The following DMD variants were observed in gnomAD, a reference collection of about 807,000 sequenced individuals.
The protein encoded by DMD is mutant dystrophin.
A neutral mutation model predicts 330.1 loss-of-function variants in DMD; 63 were observed. The ratio of observed to expected loss-of-function variants is 0.19; its 90% CI spans 0.16 to 0.24. DMD has a LOEUF of 0.24. Among genes scored for constraint, DMD ranks in the 10% least tolerant of loss-of-function variants. The pLI is 1.00. For missense variants in DMD, 3,344 were observed against 2,684.1 expected, an observed-to-expected ratio of 1.25 and a Z score of -5.43; for synonymous variants, 1,223 against 959.8, an observed-to-expected ratio of 1.27 and a Z score of -5.07.
At chrX:32,717,332 C>G (rs188647749) in intron 7 of DMD, among the ~76,000 whole-genome samples, 1 of 111,293 alleles carries the variant, frequency 9.0e-6, no homozygotes, top group Non-Finnish European at 1.9e-5. Flanking sequence ...CCCAGACACT[C>G]CAGCTCCAGC....
intron 2 of DMD, among the ~76,000 whole-genome samples, chrX:32,863,282 C>T (rs186182108): frequency 9.2e-6 from 1 of 109,188 alleles, no homozygotes; most frequent in African/African-American, 3.4e-5. Flanking sequence ...TTTGGGAGGC[C>T]GAGAAGGGCA....
At chrX:32,858,318 C>A (rs151193422) in intron 2 of DMD, among the ~76,000 whole-genome samples, 1 of 111,858 alleles carries the variant, frequency 8.9e-6, no homozygotes, top group Non-Finnish European at 1.9e-5. Flanking sequence ...CTTGTTTCAA[C>A]GTAAAACTAT....
intron 7 of DMD, among the ~76,000 whole-genome samples, chrX:32,704,327 A>AG (rs2064407729): frequency 1.8e-5 from 2 of 108,452 alleles, no homozygotes; most frequent in Admixed American, 1.9e-4. Flanking sequence ...CCTCACCCCA[A>AG]GAAAGTCAAT....
rs1557061629 is a variant in DMD, at chrX:32,827,065, C to CA, written c.265-3679_265-3678insT. ...TTGGAACACACATCGCACCCCCCCCCCACACACACACACACACAGCAGCAG... is the reference window on the plus strand; with the variant it reads ...TTGGAACACACATCGCACCCCCCCCCACACACACACACACACACAGCAGCAG... On this transcript the variant is annotated intron_variant, in intron 4 of 78. Transcript: ENST00000357033. Among the ~76,000 whole-genome samples, 270 of 68,967 alleles carry CA rather than the reference C, an allele frequency of 3.9e-3. 10 individuals are homozygous for CA. The East Asian group carries it at 0.045, about 11-fold the overall frequency. The allele number at this position is 68,967 out of a possible 115,157, so 59.9% of individuals were successfully genotyped here. A position where few individuals can be genotyped will look rare whatever the true frequency, so the allele number is the denominator to read the frequency against.
chrX:32,661,955 A>T (rs1247252746), intron 9 of DMD, among the ~76,000 whole-genome samples: 1 of 111,679 alleles, frequency 9.0e-6, no homozygotes, highest in East Asian at 2.8e-4. Context: ...AAAACTTAAA[A>T]CACACCCATT....
chrX:32,899,166 G>C (rs2149289597), intron 2 of DMD, among the ~76,000 whole-genome samples: 2 of 111,975 alleles, frequency 1.8e-5, no homozygotes, highest in African/African-American at 6.5e-5. Context: ...TTTTAGACTG[G>C]GCACAGGCGT....
chrX:33,008,702 C>T (rs2093448207), intron 2 of DMD, among the ~76,000 whole-genome samples: 1 of 98,111 alleles, frequency 1.0e-5, no homozygotes, highest in Non-Finnish European at 2.1e-5. Flanking sequence ...ACCTATCTGC[C>T]CTGAAACACA....
In DMD at chrX:33,314,559, G is replaced by GTT. The variant is rs764129742; in HGVS notation, c.7+24698_7+24699dup. 5.8e-3 allele frequency among the ~76,000 whole-genome samples: 334 copies of GTT among 57,447 alleles called. 27 individuals carry two copies. The highest frequency in any genetic ancestry group is 0.014 in the African/African-American group (204 of 14,904). The allele number at this position is 57,447 out of a possible 115,157, so 49.9% of individuals were successfully genotyped here. On this transcript the variant is annotated intron_variant, in intron 1 of 17. Coordinates refer to the DMD transcript ENST00000288447. ...ATGCGTGATCCACTGTGCCCAGCCT[G>GTT]TTTTTTTTTTGTTTTTTTTTTTTTT...
intron 53 of DMD, among the ~76,000 whole-genome samples, chrX:31,674,634 C>G (rs997426644): frequency 1.7e-4 from 19 of 111,189 alleles, no homozygotes; most frequent in Non-Finnish European, 2.6e-4. Context: ...ATCACAAAGC[C>G]GACAAAAAGG....
intron 7 of DMD, among the ~76,000 whole-genome samples, chrX:32,776,855 T>A (rs1027045818): frequency 8.9e-6 from 1 of 111,920 alleles, no homozygotes; most frequent in African/African-American, 3.3e-5. Context: ...AAATGCTTAA[T>A]TAATTAAACA....
At chrX:32,541,267 T>G (rs2048454545) in intron 17 of DMD, among the ~76,000 whole-genome samples, 1 of 110,688 alleles carries the variant, frequency 9.0e-6, no homozygotes, top group African/African-American at 3.3e-5. Context: ...CATCACTACC[T>G]CCACCACCAT....
chrX:32,997,883 C>T (rs1214036072), intron 2 of DMD, among the ~76,000 whole-genome samples: 1 of 111,958 alleles, frequency 8.9e-6, no homozygotes, highest in African/African-American at 3.3e-5. Context: ...ATTGGCCACT[C>T]ATAGAGACTC....
intron 7 of DMD, among the ~76,000 whole-genome samples, chrX:32,785,282 T>C (rs1028250324): frequency 8.1e-5 from 9 of 110,661 alleles, no homozygotes; most frequent in Non-Finnish European, 1.7e-4. Flanking sequence ...ATAGTGCTCA[T>C]AATATTAATG....
intron 44 of DMD, among the ~76,000 whole-genome samples, chrX:32,074,071 T>C (rs2096323578): frequency 9.0e-6 from 1 of 111,715 alleles, no homozygotes; most frequent in African/African-American, 3.2e-5. Flanking sequence ...TCTCAAACTT[T>C]TTCATTTTAT....
At chrX:32,247,476 A>T (rs2148132682) in intron 43 of DMD, among the ~76,000 whole-genome samples, 1 of 112,121 alleles carries the variant, frequency 8.9e-6, no homozygotes, top group African/African-American at 3.2e-5. Context: ...ATTATTTTTT[A>T]ATTTTATCTT....
chrX:31,723,201 G>A (rs991214187), intron 52 of DMD, among the ~76,000 whole-genome samples: 6 of 110,538 alleles, frequency 5.4e-5, no homozygotes, highest in Non-Finnish European at 1.1e-4. Context: ...ACTTTTCTTT[G>A]CACCAGGTAC....
intron 37 of DMD, among the ~76,000 whole-genome samples, chrX:32,351,949 T>A (rs771644870): frequency 1.7e-4 from 19 of 110,964 alleles, no homozygotes; most frequent in Admixed American, 1.2e-3. Flanking sequence ...TTTAGTTCAA[T>A]GTGTAGGGTC....
chrX:32,188,920 T>G (rs937367364), intron 44 of DMD, among the ~76,000 whole-genome samples: 24 of 110,724 alleles, frequency 2.2e-4, no homozygotes, highest in African/African-American at 7.9e-4. Flanking sequence ...AAAACAATCC[T>G]ACGTAGTCAA....
At chrX:31,530,159 T>G (rs1381357690) in intron 55 of DMD, among the ~76,000 whole-genome samples, 1 of 111,956 alleles carries the variant, frequency 8.9e-6, no homozygotes, top group African/African-American at 3.2e-5. Context: ...TAACCAAAAA[T>G]TTCTTCCTAG....
Sources: gnomAD v4.1 joint callset for allele counts (sites outside exome capture counted in the v4.1 genomes callset) on GRCh38, gnomAD v4.1.1 for gene constraint, MANE v1.5 for transcripts, NCBI Gene and HGNC (gene_info 2026-07-23, HGNC 2026-07-21) for gene names.